The following SLC4A7 variants were observed in gnomAD, a reference collection of about 807,000 sequenced individuals.
SLC4A7 encodes sodium bicarbonate cotransporter 3.
A neutral mutation model predicts 137.6 loss-of-function variants in SLC4A7; 51 were observed. The ratio of observed to expected loss-of-function variants is 0.37; its 90% CI spans 0.30 to 0.47. SLC4A7 has a LOEUF of 0.47. Among genes scored for constraint, SLC4A7 ranks in the 20% least tolerant of loss-of-function variants. The pLI, the probability that SLC4A7 is intolerant of heterozygous loss-of-function variation, is 1.00. For missense variants in SLC4A7, 1,247 were observed against 1,525.4 expected, an observed-to-expected ratio of 0.82 and a Z score of 3.04; for synonymous variants, 542 against 518.6, an observed-to-expected ratio of 1.05 and a Z score of -0.61.
rs749973690 is a variant in SLC4A7, at chr3:27,437,462, G to A, written c.354C>T (p.Pro118=). ...GTEDDDEEHI[P]HDLFTEMDEL... ...CATCCATTTCCGTGAAGAGATCATG[G>A]GGAATATGTTCTTCATCATCATCTT... Residue 118 remains proline (P), a synonymous_variant, in exon 4 of 26, where the codon CCC becomes CCT. Coordinates refer to ENST00000454389, the MANE Select transcript of SLC4A7 (RefSeq NM_001321103.2). The A allele has an allele frequency of 3.8e-6, 6 of 1,594,040 alleles. No homozygotes were observed. The highest frequency in any genetic ancestry group is 1.7e-5 in the Admixed American group (1 of 58,464).
chr3:27,399,395 C>A (rs1365294625), intron 16 of SLC4A7, among the ~76,000 whole-genome samples: 1 of 152,144 alleles, frequency 6.6e-6, no homozygotes, highest in Non-Finnish European at 1.5e-5. Flanking sequence ...ACAAAAATGA[C>A]TTTTTAAATA....
At chr3:27,392,245 T>C (rs1178214213) in intron 20 of SLC4A7, among the ~76,000 whole-genome samples, 2 of 152,204 alleles carry the variant, frequency 1.3e-5, no homozygotes, top group African/African-American at 2.4e-5. Flanking sequence ...TTACTGAATA[T>C]AGTAAGTAAA....
chr3:27,424,881 CAT>C (rs2055390122), intron 7 of SLC4A7, among the ~76,000 whole-genome samples: 1 of 152,044 alleles, frequency 6.6e-6, no homozygotes, highest in Non-Finnish European at 1.5e-5. Flanking sequence ...CAGACAAACT[CAT>C]AAAAATAGCT....
At chr3:27,483,659 G>A (rs2059814249) in intron 1 of SLC4A7, among the ~76,000 whole-genome samples, 1 of 152,196 alleles carries the variant, frequency 6.6e-6, no homozygotes, top group Non-Finnish European at 1.5e-5. Context: ...GGTTTTCGAG[G>A]GCTAATCTGA....
At chr3:27,385,502 T>C (rs1195885379) in intron 23 of SLC4A7, among the ~76,000 whole-genome samples, 3 of 152,202 alleles carry the variant, frequency 2.0e-5, no homozygotes, top group Non-Finnish European at 4.4e-5. Flanking sequence ...TTATGTTAAA[T>C]GTATTTAAAG....
chr3:27,389,846 T>A, intron 22 of SLC4A7, 85 bp downstream of exon 22: 1 of 1,048,716 alleles, frequency 9.5e-7, no homozygotes, highest in African/African-American at 1.6e-5. Context: ...TTATTCTTTT[T>A]CTCAAAATCA....
At chr3:27,471,702 A>C (rs1309757216) in intron 1 of SLC4A7, among the ~76,000 whole-genome samples, 1 of 152,186 alleles carries the variant, frequency 6.6e-6, no homozygotes, top group East Asian at 1.9e-4. Flanking sequence ...CACTATCAAC[A>C]AAGTGAGTAA....
chr3:27,436,915 T>C (rs1368940259), intron 4 of SLC4A7, among the ~76,000 whole-genome samples: 1 of 152,168 alleles, frequency 6.6e-6, no homozygotes, highest in Non-Finnish European at 1.5e-5. Context: ...TAAACAAATT[T>C]GAGAATAAAG....
At chr3:27,383,116 G>C (rs1470558771) in intron 24 of SLC4A7, 37 bp downstream of exon 24, 1 of 1,114,444 alleles carries the variant, frequency 9.0e-7, no homozygotes, top group Non-Finnish European at 1.4e-6. Context: ...CATTTGACAT[G>C]CATATAAAAG....
At chr3:27,419,031 A>G (rs999541373) in intron 10 of SLC4A7, among the ~76,000 whole-genome samples, 3 of 152,176 alleles carry the variant, frequency 2.0e-5, no homozygotes, top group Non-Finnish European at 1.5e-5. Context: ...TTTAATGACC[A>G]ATATTTACTG....
intron 11 of SLC4A7, among the ~76,000 whole-genome samples, chr3:27,414,416 T>C (rs1263280751): frequency 6.6e-6 from 1 of 152,196 alleles, no homozygotes; most frequent in Non-Finnish European, 1.5e-5. Flanking sequence ...AAAGCCTTAC[T>C]GGTAACATGA....
At chr3:27,470,516 T>A (rs2059194322) in intron 1 of SLC4A7, among the ~76,000 whole-genome samples, 2 of 151,686 alleles carry the variant, frequency 1.3e-5, no homozygotes, top group African/African-American at 4.8e-5. Context: ...AATATATTAA[T>A]ATATAGGTAT....
chr3:27,431,263 G>C, intron 7 of SLC4A7, 35 bp downstream of exon 7: 1 of 1,529,968 alleles, frequency 6.5e-7, no homozygotes, highest in Non-Finnish European at 8.8e-7. Context: ...CTCAGAGGCA[G>C]AAAGCACCAC....
intron 1 of SLC4A7, among the ~76,000 whole-genome samples, chr3:27,461,440 T>C (rs567549592): frequency 2.6e-5 from 4 of 151,422 alleles, no homozygotes; most frequent in Non-Finnish European, 5.9e-5. Context: ...AACAGATTCA[T>C]TTGAAGGCAG....
At chr3:27,422,751 C>G (rs967557504) in intron 8 of SLC4A7, 5 of 455,540 alleles carry the variant, frequency 1.1e-5, no homozygotes, top group African/African-American at 1.0e-4. Context: ...ACTTACAGGG[C>G]TATCTATGAA....
intron 25 of SLC4A7, among the ~76,000 whole-genome samples, chr3:27,377,336 T>G (rs993973569): frequency 6.6e-6 from 1 of 152,192 alleles, no homozygotes; most frequent in South Asian, 2.1e-4. Flanking sequence ...ATATACATAT[T>G]GGTTTTGTAT....
At chr3:27,386,893 G>C (rs2051013705) in intron 22 of SLC4A7, among the ~76,000 whole-genome samples, 1 of 152,006 alleles carries the variant, frequency 6.6e-6, no homozygotes, top group Non-Finnish European at 1.5e-5. Context: ...CTCAGATAAG[G>C]AGTACAACAT....
intron 1 of SLC4A7, among the ~76,000 whole-genome samples, chr3:27,466,436 C>T (rs767959519): frequency 3.6e-5 from 5 of 139,468 alleles, no homozygotes; most frequent in Non-Finnish European, 6.1e-5. Flanking sequence ...TGGGCGACAG[C>T]GAGACTCCGT....
At chr3:27,379,448 G>A (rs2050201865) in intron 24 of SLC4A7, 92 bp from the exon 25 acceptor site, 2 of 642,536 alleles carry the variant, frequency 3.1e-6, no homozygotes, top group Middle Eastern at 2.8e-4. Flanking sequence ...CAACTAAATT[G>A]AGAAAACCTT....
Sources: gnomAD v4.1 joint callset for allele counts (sites outside exome capture counted in the v4.1 genomes callset) on GRCh38, gnomAD v4.1.1 for gene constraint, MANE v1.5 for transcripts, NCBI Gene and HGNC (gene_info 2026-07-23, HGNC 2026-07-21) for gene names.